The following BACH2 variants were observed in gnomAD, a reference collection of about 807,000 sequenced individuals.
BACH2 encodes the protein BACH transcriptional regulator 2.
BACH2 carries 5 observed loss-of-function variants against 61.8 expected under a neutral mutation model. The ratio of observed to expected loss-of-function variants is 0.08; its 90% CI spans 0.04 to 0.17. BACH2 has a LOEUF of 0.17. Among genes scored for constraint, BACH2 ranks in the 10% least tolerant of loss-of-function variants. The pLI, the probability that BACH2 is intolerant of heterozygous loss-of-function variation, is 1.00. For missense variants in BACH2, 824 were observed against 1,091.1 expected, an observed-to-expected ratio of 0.76 and a Z score of 3.45; for synonymous variants, 446 against 440.1, an observed-to-expected ratio of 1.01 and a Z score of -0.17.
intron 1 of BACH2, among the ~76,000 whole-genome samples, chr6:90,281,961 T>C (rs938341831): frequency 1.3e-5 from 2 of 152,088 alleles, no homozygotes; most frequent in Non-Finnish European, 2.9e-5. Flanking sequence ...TCCTTCCTCT[T>C]GACCACCAAG....
At chr6:90,092,315 T>C (rs7752453) in intron 4 of BACH2, among the ~76,000 whole-genome samples, 3,200 of 110,920 alleles carry the variant, frequency 0.029, 210 homozygotes, top group African/African-American at 0.095. Context: ...TATATATATA[T>C]ACACACACAC....
intron 6 of BACH2, among the ~76,000 whole-genome samples, chr6:89,956,282 G>C (rs989362339): frequency 6.6e-6 from 1 of 152,182 alleles, no homozygotes; most frequent in Non-Finnish European, 1.5e-5. Context: ...CCAGAATACA[G>C]TGTGCCATGT....
At chr6:89,957,791 T>G (rs1774508371) in intron 6 of BACH2, among the ~76,000 whole-genome samples, 2 of 152,196 alleles carry the variant, frequency 1.3e-5, no homozygotes, top group Admixed American at 6.5e-5. Context: ...CCGTCTATTT[T>G]GACCTCCCAA....
At chr6:90,234,382 A>C (rs1175184431) in intron 3 of BACH2, among the ~76,000 whole-genome samples, 1 of 152,240 alleles carries the variant, frequency 6.6e-6, no homozygotes, top group East Asian at 1.9e-4. Context: ...TTGACAGTGA[A>C]TAGATGGGCA....
intron 3 of BACH2, among the ~76,000 whole-genome samples, chr6:90,215,848 T>G (rs747244703): frequency 5.3e-5 from 8 of 152,244 alleles, no homozygotes; most frequent in Non-Finnish European, 8.8e-5. Context: ...AACCTACCCT[T>G]AGCCAGAAGC....
chr6:89,958,983 A>T (rs181235318), intron 6 of BACH2, among the ~76,000 whole-genome samples: 1 of 152,248 alleles, frequency 6.6e-6, no homozygotes, highest in East Asian at 1.9e-4. Context: ...TCAAGTGACA[A>T]GAGAACATTA....
chr6:90,186,780 C>G (rs568769401), intron 4 of BACH2, among the ~76,000 whole-genome samples: 1 of 152,186 alleles, frequency 6.6e-6, no homozygotes, highest in African/African-American at 2.4e-5. Flanking sequence ...CAAAAGAGCT[C>G]TGGAAGGTAA....
At chr6:90,262,794 G>A (rs1316282233) in intron 2 of BACH2, among the ~76,000 whole-genome samples, 2 of 152,156 alleles carry the variant, frequency 1.3e-5, no homozygotes. Flanking sequence ...TAGCTCAAGA[G>A]CTATTATCCC....
At chr6:89,938,427 A>T in intron 7 of BACH2, 77 bp from the exon 8 acceptor site, 1 of 1,270,408 alleles carries the variant, frequency 7.9e-7, no homozygotes, top group Non-Finnish European at 1.1e-6. Context: ...AAAATGATAA[A>T]ACCTCCTTTT....
At chr6:90,087,726 T>TG (rs1258529479) in intron 5 of BACH2, among the ~76,000 whole-genome samples, 1 of 130,938 alleles carries the variant, frequency 7.6e-6, no homozygotes, top group East Asian at 4.0e-4. Context: ...CCCATGTGTG[T>TG]GTTTTTTTTT....
intron 8 of BACH2, among the ~76,000 whole-genome samples, chr6:89,934,707 T>A (rs776523922): frequency 2.2e-4 from 33 of 151,832 alleles, no homozygotes; most frequent in South Asian, 4.2e-4. Flanking sequence ...GAGATGGGGT[T>A]CCATGAGGCA....
intron 5 of BACH2, among the ~76,000 whole-genome samples, chr6:90,048,167 T>G (rs781697528): frequency 5.3e-5 from 8 of 152,168 alleles, no homozygotes; most frequent in Non-Finnish European, 1.0e-4. Context: ...CTCACTCTGT[T>G]GCACAGACTG....
intron 6 of BACH2, among the ~76,000 whole-genome samples, chr6:89,976,212 G>A (rs1775640695): frequency 1.3e-5 from 2 of 152,238 alleles, no homozygotes; most frequent in Admixed American, 1.3e-4. Flanking sequence ...TGAGTCTGGA[G>A]AACTGGCTTG....
At chr6:90,127,253 C>T (rs1293906174) in intron 4 of BACH2, among the ~76,000 whole-genome samples, 2 of 150,590 alleles carry the variant, frequency 1.3e-5, no homozygotes, top group African/African-American at 5.0e-5. Flanking sequence ...AAATGCCACC[C>T]TCCAGGTAAG....
At chr6:90,214,506 T>C (rs1361527916) in intron 3 of BACH2, among the ~76,000 whole-genome samples, 1 of 152,076 alleles carries the variant, frequency 6.6e-6, no homozygotes, top group African/African-American at 2.4e-5. Context: ...GCCAGCTATC[T>C]CTCCAATAAA....
chr6:89,973,271 A>G (rs546681473), intron 6 of BACH2, among the ~76,000 whole-genome samples: 1 of 15,792 alleles, frequency 6.3e-5, no homozygotes, highest in Non-Finnish European at 1.1e-4. Context: ...AATATAAAAA[A>G]TAAAGGTGAT....
intron 4 of BACH2, among the ~76,000 whole-genome samples, chr6:90,189,834 G>A (rs1254378133): frequency 2.0e-5 from 3 of 152,144 alleles, no homozygotes; most frequent in Non-Finnish European, 4.4e-5. Flanking sequence ...AGGTTCTCTG[G>A]CAGGACAGTA....
chr6:89,942,981 A>AT (rs967777493), intron 7 of BACH2, among the ~76,000 whole-genome samples: 2 of 151,654 alleles, frequency 1.3e-5, no homozygotes, highest in Admixed American at 6.6e-5. Flanking sequence ...AGCTTTACAC[A>AT]TTTTTTTTCT....
intron 3 of BACH2, among the ~76,000 whole-genome samples, chr6:90,249,323 T>C (rs1770732354): frequency 6.6e-6 from 1 of 152,230 alleles, no homozygotes; most frequent in Non-Finnish European, 1.5e-5. Flanking sequence ...TGTAGCTTCC[T>C]GTCATCTTCC....
Sources: allele counts gnomAD v4.1 joint callset (sites outside exome capture counted in the v4.1 genomes callset), GRCh38; gene constraint gnomAD v4.1.1; transcripts MANE v1.5; gene names NCBI Gene and HGNC (gene_info 2026-07-23, HGNC 2026-07-21).